The following SENP2 variants were observed in gnomAD, a reference collection of about 807,000 sequenced individuals.
SENP2 encodes the protein sentrin-specific protease 2.
Under a neutral mutation model 86.3 loss-of-function variants are expected in SENP2, and 16 were observed. The ratio of observed to expected loss-of-function variants is 0.19; its 90% CI spans 0.13 to 0.28. SENP2 has a LOEUF of 0.28. Among genes scored for constraint, SENP2 ranks in the 10% least tolerant of loss-of-function variants. The pLI is 1.00. For missense variants in SENP2, 552 were observed against 703.0 expected, an observed-to-expected ratio of 0.79 and a Z score of 2.43; for synonymous variants, 222 against 238.7, an observed-to-expected ratio of 0.93 and a Z score of 0.64.
At position 185,633,016 on chromosome 3, in the gene SENP2, G is replaced by A. The variant is rs1196367238; in HGVS notation, c.*3172G>A. 1 of 152,214 alleles carries A rather than the reference G, an allele frequency of 6.6e-6. No individual in the cohort carries two copies. Among genetic ancestry groups the A allele is most frequent in the East Asian group, 1.9e-4 (1 of 5,192 alleles). 9.4% of individuals were successfully genotyped at this position (152,214 alleles called of 1,614,324 possible). ...GGAGGGAAACAGATTTGGGGCATAT[G>A]GAAGATATTCTTGGGAGCCCCATAT... On this transcript the variant is annotated 3_prime_UTR_variant, in exon 17 of 17. Transcript: ENST00000296257.
chr3:185,604,279 T>C (rs1483193805), intron 5 of SENP2, among the ~76,000 whole-genome samples: 1 of 152,256 alleles, frequency 6.6e-6, no homozygotes, highest in Non-Finnish European at 1.5e-5. Flanking sequence ...AATTCTATTA[T>C]GGTTAGAGAA....
chr3:185,607,815 C>T lies in SENP2; in HGVS notation c.618+1317C>T, dbSNP rs182523053. Among the ~76,000 whole-genome samples the T allele has an allele frequency of 5.9e-5, 9 of 152,310 alleles. No homozygotes were observed. In the East Asian group the frequency reaches 7.7e-4, roughly 13 times the overall value. On this transcript the variant is annotated intron_variant, in intron 6 of 16. Coordinates refer to ENST00000296257, the MANE Select transcript of SENP2 (RefSeq NM_021627.3). The stretch of plus-strand genomic sequence containing the variant: ...TGCTGGGATTACAGGCGTGAGCCAC[C>T]GCGTCCAGTCATAACTTGTTTCTTT...
At chr3:185,596,781 G>A (rs1320816320) in intron 2 of SENP2, among the ~76,000 whole-genome samples, 1 of 152,128 alleles carries the variant, frequency 6.6e-6, no homozygotes, top group Non-Finnish European at 1.5e-5. Flanking sequence ...GAATTCTGCC[G>A]TACTCGGTGG....
At chr3:185,607,145 C>T (rs6807927) in intron 6 of SENP2, among the ~76,000 whole-genome samples, 44,008 of 151,178 alleles carry the variant, frequency 0.29, 6,884 homozygotes, top group African/African-American at 0.4. Context: ...CTCAGACTCC[C>T]TTCCATACCT....
At chr3:185,587,732 A>ATTTTTTTTTTTTTTTTT (rs59565990) in intron 1 of SENP2, among the ~76,000 whole-genome samples, 3 of 73,026 alleles carry the variant, frequency 4.1e-5, no homozygotes, top group Admixed American at 1.6e-4. Flanking sequence ...ATGCCCGGCT[A>ATTTTTTTTTTTTTTTTT]TTTTTTTTTT....
intron 11 of SENP2, among the ~76,000 whole-genome samples, chr3:185,615,579 G>A (rs1370234689): frequency 6.6e-6 from 1 of 151,880 alleles, no homozygotes; most frequent in Non-Finnish European, 1.5e-5. Context: ...CCTGACCTTA[G>A]ATGATCTACC....
chr3:185,615,295 T>A (rs917537034), intron 11 of SENP2, among the ~76,000 whole-genome samples: 3 of 152,316 alleles, frequency 2.0e-5, no homozygotes, highest in African/African-American at 7.2e-5. Flanking sequence ...GAGAGATCCA[T>A]AAAATGGTGA....
At chr3:185,608,734 G>T (rs1722594905) in intron 6 of SENP2, among the ~76,000 whole-genome samples, 1 of 152,164 alleles carries the variant, frequency 6.6e-6, no homozygotes, top group African/African-American at 2.4e-5. Context: ...AGAGAAAAAA[G>T]AATCAGAAGA....
intron 5 of SENP2, among the ~76,000 whole-genome samples, chr3:185,603,159 G>T (rs900161178): frequency 6.6e-6 from 1 of 151,954 alleles, no homozygotes; most frequent in Admixed American, 6.6e-5. Context: ...TGATCCAACC[G>T]CCTCGGCCTC....
At chr3:185,588,979 T>C (rs963579076) in intron 1 of SENP2, among the ~76,000 whole-genome samples, 1 of 152,182 alleles carries the variant, frequency 6.6e-6, no homozygotes, top group Non-Finnish European at 1.5e-5. Context: ...CACTTCTCAG[T>C]GTAAACCAAT....
intron 16 of SENP2, among the ~76,000 whole-genome samples, chr3:185,628,255 G>C (rs921084586): frequency 2.0e-5 from 3 of 151,994 alleles, no homozygotes; most frequent in African/African-American, 7.3e-5. Context: ...TTCTGCCTCA[G>C]CCTCCCCAGT....
At chr3:185,617,452 A>G (rs1201823626) in intron 11 of SENP2, 28 bp from the exon 12 acceptor site, 1 of 1,579,490 alleles carries the variant, frequency 6.3e-7, no homozygotes, top group Non-Finnish European at 8.6e-7. Flanking sequence ...CTATATTAAA[A>G]TAGCAACTTC....
chr3:185,599,074 T>G, intron 4 of SENP2, 50 bp downstream of exon 4: 1 of 1,342,772 alleles, frequency 7.4e-7, no homozygotes, highest in East Asian at 2.3e-5. Context: ...TTCTGCCCAT[T>G]TTTTTCCTAC....
chr3:185,590,730 G>A (rs1226536059), intron 2 of SENP2, among the ~76,000 whole-genome samples: 1 of 136,076 alleles, frequency 7.3e-6, no homozygotes, highest in African/African-American at 2.8e-5. Context: ...GCCAAGTGGT[G>A]CACGCCTATA....
chr3:185,610,724 G>T (rs554402800), intron 7 of SENP2, among the ~76,000 whole-genome samples: 1 of 151,892 alleles, frequency 6.6e-6, no homozygotes, highest in Non-Finnish European at 1.5e-5. Context: ...TTGGGAGGCC[G>T]AGGTGGACGG....
intron 2 of SENP2, among the ~76,000 whole-genome samples, chr3:185,590,632 G>A (rs1287577453): frequency 6.8e-6 from 1 of 146,250 alleles, no homozygotes; most frequent in Non-Finnish European, 1.5e-5. Context: ...TTCAGAGGCT[G>A]AGGTGGGAGG....
chr3:185,595,628 A>C (rs908227341), intron 2 of SENP2, among the ~76,000 whole-genome samples: 2 of 152,138 alleles, frequency 1.3e-5, no homozygotes, highest in Admixed American at 1.3e-4. Context: ...TGTTTTTCTC[A>C]AACTAGCGTC....
intron 4 of SENP2, among the ~76,000 whole-genome samples, chr3:185,599,601 G>C (rs191212145): frequency 2.0e-4 from 30 of 152,158 alleles, no homozygotes; most frequent in Admixed American, 1.8e-3. Flanking sequence ...AAGTTGGGGG[G>C]GAAGGAAGTT....
rs759750912 is a variant in SENP2, at chr3:185,633,444, A to G, written c.*3600A>G. ...TGTAGCTGGCTGTAGTATTGCTTTG[A>G]TAATTTTTTTCTTTTAATTTACCTA... On this transcript the variant is annotated 3_prime_UTR_variant, in exon 17 of 17. Transcript: ENST00000296257. 3.3e-5 allele frequency: 5 copies of G among 152,170 alleles called. No individual in the cohort carries two copies. Among genetic ancestry groups the G allele is most frequent in the South Asian group, 2.1e-4 (1 of 4,836 alleles). The allele number at this position is 152,170 out of a possible 1,614,324, so 9.4% of individuals were successfully genotyped here. A position where few individuals can be genotyped will look rare whatever the true frequency, so the allele number is the denominator to read the frequency against.
Sources: gnomAD v4.1 joint callset for allele counts (sites outside exome capture counted in the v4.1 genomes callset) on GRCh38, gnomAD v4.1.1 for gene constraint, MANE v1.5 for transcripts, NCBI Gene and HGNC (gene_info 2026-07-23, HGNC 2026-07-21) for gene names.